The following MND1 variants were observed in gnomAD, a reference collection of about 807,000 sequenced individuals.
MND1 encodes the protein meiotic nuclear divisions 1, also known as meiotic nuclear division protein 1 homolog.
In MND1, 28 loss-of-function variants were observed where a neutral mutation model predicts 35.1. The observed-to-expected ratio is 0.80, with a 90% CI of 0.59 to 1.09. The LOEUF (loss-of-function observed/expected upper bound fraction) is 1.09, where lower values mean the gene tolerates loss of function less well. Among genes scored for constraint, MND1 ranks in the 50% least tolerant of loss-of-function variants. The pLI is 0.00. For missense variants in MND1, 213 were observed against 239.6 expected (o/e 0.89, Z 0.73); for synonymous variants, 69 against 70.5 (o/e 0.98, Z 0.11).
At chr4:153,355,157 A>G (rs1031568793) in intron 2 of MND1, among the ~76,000 whole-genome samples, 2 of 104,552 alleles carry the variant, frequency 1.9e-5, no homozygotes, top group South Asian at 3.2e-4. Context: ...GAGTGAAACC[A>G]TGTCTCAAAA....
intron 4 of MND1, among the ~76,000 whole-genome samples, chr4:153,366,601 T>A (rs1332822807): frequency 6.6e-6 from 1 of 152,238 alleles, no homozygotes; most frequent in Admixed American, 6.5e-5. Context: ...GGGGGAGTCC[T>A]CACTGAACCC....
intron 6 of MND1, among the ~76,000 whole-genome samples, chr4:153,407,962 A>G (rs1410033175): frequency 6.6e-6 from 1 of 152,108 alleles, no homozygotes; most frequent in African/African-American, 2.4e-5. Context: ...TAATGGTTGT[A>G]CAATTTTGTG....
chr4:153,381,091 G>A (rs1728667954), intron 4 of MND1, among the ~76,000 whole-genome samples: 1 of 152,042 alleles, frequency 6.6e-6, no homozygotes, highest in Non-Finnish European at 1.5e-5. Flanking sequence ...AGTAGAGACA[G>A]GGTTTCAACG....
At chr4:153,360,667 T>TATATATAA (rs374299294) in intron 4 of MND1, among the ~76,000 whole-genome samples, 1 of 109,828 alleles carries the variant, frequency 9.1e-6, no homozygotes, top group Non-Finnish European at 1.8e-5. Context: ...AATATTTTTA[T>TATATATAA]ATAAATAAAT....
At chr4:153,345,166 C>CG (rs1773043771) in intron 1 of MND1, among the ~76,000 whole-genome samples, 1 of 152,180 alleles carries the variant, frequency 6.6e-6, no homozygotes, top group Admixed American at 6.5e-5. Flanking sequence ...GGTGTAGCCC[C>CG]CCCCATTAAG....
chr4:153,358,519 G>A lies in MND1; in HGVS notation c.173G>A (p.Gly58Asp), dbSNP rs755290047. 1.2e-6 allele frequency: 2 copies of A among 1,613,034 alleles called. No homozygotes were observed. Among genetic ancestry groups the A allele is most frequent in the South Asian group, 2.2e-5 (2 of 90,858 alleles). ...GTCCTTCAAAGCTTAGTTGATGATG[G>A]TATGGTTGACTGTGAGAGGATCGGA... is the stretch of plus-strand genomic sequence containing the variant. ...KEVLQSLVDDGMVDCERIGTS... is the reference protein window; with the variant it reads ...KEVLQSLVDDDMVDCERIGTS... The change falls in exon 4 of 8, where the codon GGT becomes GAT. Residue 58 changes from glycine (G) to aspartate (D), a missense_variant. Coordinates refer to ENST00000240488, the MANE Select transcript of MND1 (RefSeq NM_032117.4).
rs1491188331 is a variant in MND1, at chr4:153,381,693, T to TATATATATATA, written c.277-12569_277-12568insATATATATATA. ...ATATATATATATATATATATATATA[T>TATATATATATA]TTTTTTTTTTTTTTTTTTTTTTTTT... On this transcript the variant is annotated intron_variant, in intron 4 of 7. Transcript: ENST00000240488. The TATATATATATA allele has an allele frequency of 9.9e-4, 12 of 12,072 alleles. 1 individual carries two copies. Among genetic ancestry groups the TATATATATATA allele is most frequent in the South Asian group, 5.3e-3 (1 of 190 alleles). The allele number at this position is 12,072 out of a possible 1,614,324, so 0.7% of individuals were successfully genotyped here.
intron 4 of MND1, among the ~76,000 whole-genome samples, chr4:153,373,197 A>G (rs917727724): frequency 6.6e-6 from 1 of 152,070 alleles, no homozygotes; most frequent in African/African-American, 2.4e-5. Context: ...GTGATTACCT[A>G]TGTAGTTATG....
At chr4:153,393,176 T>C (rs970927253) in intron 4 of MND1, among the ~76,000 whole-genome samples, 2 of 152,028 alleles carry the variant, frequency 1.3e-5, no homozygotes, top group African/African-American at 4.8e-5. Context: ...CAGGCTAACA[T>C]TTTTTTCTTC....
At chr4:153,364,471 C>G (rs984233303) in intron 4 of MND1, among the ~76,000 whole-genome samples, 3 of 151,170 alleles carry the variant, frequency 2.0e-5, no homozygotes, top group African/African-American at 7.3e-5. Context: ...GAGCTGTATT[C>G]GTGCCACTGC....
intron 3 of MND1, among the ~76,000 whole-genome samples, chr4:153,357,390 A>C (rs1431977638): frequency 6.6e-6 from 1 of 152,304 alleles, no homozygotes; most frequent in Middle Eastern, 3.4e-3. Flanking sequence ...TTGGGATACC[A>C]ATCCCCCACA....
chr4:153,370,458 A>G (rs544261214), intron 4 of MND1, among the ~76,000 whole-genome samples: 5 of 152,048 alleles, frequency 3.3e-5, no homozygotes, highest in African/African-American at 9.6e-5. Flanking sequence ...GCTGGAATCA[A>G]CTTCTTCCAA....
intron 5 of MND1, among the ~76,000 whole-genome samples, chr4:153,396,053 T>A (rs1729189961): frequency 6.6e-6 from 1 of 152,164 alleles, no homozygotes; most frequent in African/African-American, 2.4e-5. Flanking sequence ...CATTTTTATT[T>A]GGGTATTGAT....
chr4:153,358,639 A>G lies in MND1; in HGVS notation c.276+17A>G. The G allele has an allele frequency of 6.2e-7, 1 of 1,609,470 alleles. No homozygotes were observed. The highest frequency in any genetic ancestry group is 8.5e-7 in the Non-Finnish European group (1 of 1,178,502). On this transcript the variant is annotated intron_variant, in intron 4 of 7. Transcript: ENST00000240488. ...GAATCTCAGGTAAGCTGCCACAGTT[A>G]AAAAGAATAGAGTTGCTTTATAACG...
intron 7 of MND1, among the ~76,000 whole-genome samples, chr4:153,410,571 A>G (rs78623968): frequency 2.6e-5 from 4 of 152,166 alleles, no homozygotes; most frequent in Non-Finnish European, 4.4e-5. Context: ...GGTAAAATCA[A>G]TATAATTGGC....
At chr4:153,349,450 C>T (rs1773158405) in intron 1 of MND1, among the ~76,000 whole-genome samples, 1 of 152,188 alleles carries the variant, frequency 6.6e-6, no homozygotes, top group Non-Finnish European at 1.5e-5. Flanking sequence ...GTCAGCTGGA[C>T]AGTCAGCTTT....
At chr4:153,382,509 A>G (rs145198965) in intron 4 of MND1, among the ~76,000 whole-genome samples, 21 of 152,360 alleles carry the variant, frequency 1.4e-4, no homozygotes, top group Middle Eastern at 3.4e-3. Flanking sequence ...CTACTGTAAG[A>G]GGCAGAAGTA....
At chr4:153,377,667 A>G (rs1481807641) in intron 4 of MND1, among the ~76,000 whole-genome samples, 1 of 152,188 alleles carries the variant, frequency 6.6e-6, no homozygotes, top group Non-Finnish European at 1.5e-5. Context: ...CTTTATAGTT[A>G]AGGAGACGTG....
intron 6 of MND1, among the ~76,000 whole-genome samples, chr4:153,406,236 AAG>A (rs1462345823): frequency 6.6e-6 from 1 of 151,854 alleles, no homozygotes; most frequent in Non-Finnish European, 1.5e-5. Flanking sequence ...AGAAAGTAAA[AAG>A]AGGCTGGGCG....
Sources: allele counts gnomAD v4.1 joint callset (sites outside exome capture counted in the v4.1 genomes callset), GRCh38; gene constraint gnomAD v4.1.1; transcripts MANE v1.5; gene names NCBI Gene and HGNC (gene_info 2026-07-23, HGNC 2026-07-21).